The following TENM2 variants were observed in gnomAD, a reference collection of about 807,000 sequenced individuals.
The protein encoded by TENM2 is teneurin transmembrane protein 2.
TENM2 carries 52 observed loss-of-function variants against 245.2 expected under a neutral mutation model. The observed-to-expected ratio is 0.21, with a 90% CI of 0.17 to 0.27. The LOEUF is 0.27. Ranked by LOEUF, TENM2 falls within the 10% of genes least tolerant of loss-of-function variation. The pLI is 1.00. For missense variants in TENM2, 3,046 were observed against 3,666.8 expected, an observed-to-expected ratio of 0.83 and a Z score of 4.37; for synonymous variants, 1,363 against 1,438.9, an observed-to-expected ratio of 0.95 and a Z score of 1.19.
intron 3 of TENM2, among the ~76,000 whole-genome samples, chr5:167,920,658 G>A (rs776046511): frequency 6.6e-6 from 1 of 152,014 alleles, no homozygotes; most frequent in Non-Finnish European, 1.5e-5. Flanking sequence ...CACCCAGCTC[G>A]CAGCAAATTA....
chr5:168,172,753 C>T (rs1158058629), intron 13 of TENM2, among the ~76,000 whole-genome samples: 1 of 152,202 alleles, frequency 6.6e-6, no homozygotes, highest in African/African-American at 2.4e-5. Context: ...CCACAAAGCA[C>T]TTAGGCACTG....
At chr5:167,785,470 G>A (rs983683050) in intron 2 of TENM2, among the ~76,000 whole-genome samples, 1 of 152,122 alleles carries the variant, frequency 6.6e-6, no homozygotes, top group African/African-American at 2.4e-5. Flanking sequence ...TTGATTTCTA[G>A]TCCTGCAGGA....
At chr5:168,223,125 T>C (rs557244722) in intron 23 of TENM2, among the ~76,000 whole-genome samples, 1 of 152,352 alleles carries the variant, frequency 6.6e-6, no homozygotes, top group Admixed American at 6.5e-5. Context: ...CGAATCTTCT[T>C]AAAAGTTAAA....
intron 2 of TENM2, among the ~76,000 whole-genome samples, chr5:167,474,341 C>A (rs1301882582): frequency 6.6e-6 from 1 of 152,076 alleles, no homozygotes; most frequent in African/African-American, 2.4e-5. Flanking sequence ...TCAGAGCTTT[C>A]ATCTTCACCT....
At chr5:168,043,252 T>C (rs1227548534) in intron 5 of TENM2, among the ~76,000 whole-genome samples, 1 of 151,894 alleles carries the variant, frequency 6.6e-6, no homozygotes, top group East Asian at 1.9e-4. Context: ...TTTTTTTTTT[T>C]AACTAATTAA....
intron 5 of TENM2, among the ~76,000 whole-genome samples, chr5:168,035,854 C>T (rs1471555664): frequency 1.3e-5 from 2 of 152,182 alleles, no homozygotes; most frequent in African/African-American, 4.8e-5. Flanking sequence ...CAACAAGCCT[C>T]GGTCTCTTCA....
chr5:167,625,354 T>C (rs548702501), intron 2 of TENM2, among the ~76,000 whole-genome samples: 2 of 152,184 alleles, frequency 1.3e-5, no homozygotes, highest in East Asian at 3.9e-4. Context: ...ACTATTCAGA[T>C]TTTTTTTCAG....
intron 2 of TENM2, among the ~76,000 whole-genome samples, chr5:167,660,990 T>C (rs1755175104): frequency 6.6e-6 from 1 of 152,180 alleles, no homozygotes; most frequent in South Asian, 2.1e-4. Flanking sequence ...ACAAGTTATA[T>C]GAAAAATAAA....
chr5:167,060,766 G>T, the TENM2 span, among the ~76,000 whole-genome samples: 1 of 150,952 alleles, frequency 6.6e-6, no homozygotes, highest in Non-Finnish European at 1.5e-5. Flanking sequence ...TTATTATTAA[G>T]ATATTTTATA....
At chr5:168,228,757 T>C (rs1232160745) in intron 25 of TENM2, among the ~76,000 whole-genome samples, 1 of 102,416 alleles carries the variant, frequency 9.8e-6, no homozygotes, top group East Asian at 4.5e-4. Context: ...AAGTAACAAC[T>C]GAACCTCAGT....
the TENM2 span, among the ~76,000 whole-genome samples, chr5:166,997,768 T>C: frequency 6.6e-6 from 1 of 152,274 alleles, no homozygotes; most frequent in African/African-American, 2.4e-5. Context: ...GATCATCCAT[T>C]GAGTCATTGA....
intron 2 of TENM2, among the ~76,000 whole-genome samples, chr5:167,851,197 G>A (rs1272571431): frequency 1.3e-5 from 2 of 152,028 alleles, no homozygotes; most frequent in African/African-American, 2.4e-5. Context: ...ATCTGGGGGT[G>A]GTGGCAGAGG....
At chr5:167,207,868 C>T in the TENM2 span, among the ~76,000 whole-genome samples, 12 of 152,338 alleles carry the variant, frequency 7.9e-5, no homozygotes, top group Non-Finnish European at 1.6e-4. Flanking sequence ...ATTCTCCTGT[C>T]TCAGCCTCCC....
At chr5:167,714,190 T>C (rs1192340544) in intron 2 of TENM2, among the ~76,000 whole-genome samples, 2 of 152,228 alleles carry the variant, frequency 1.3e-5, no homozygotes, top group Non-Finnish European at 2.9e-5. Context: ...ATGTATTTCC[T>C]GACACATTTC....
chr5:167,026,360 T>C, the TENM2 span, among the ~76,000 whole-genome samples: 1 of 152,228 alleles, frequency 6.6e-6, no homozygotes. Context: ...CACATAGTGG[T>C]AATCTGCTGA....
intron 7 of TENM2, among the ~76,000 whole-genome samples, chr5:168,086,139 G>A (rs1269312867): frequency 6.6e-6 from 1 of 152,148 alleles, no homozygotes; most frequent in African/African-American, 2.4e-5. Context: ...GTATCAATGT[G>A]GTTTCTAGAA....
chr5:167,888,034 C>A (rs62384380), intron 3 of TENM2, among the ~76,000 whole-genome samples: 4,665 of 152,148 alleles, frequency 0.031, 101 homozygotes, highest in South Asian at 0.098. Flanking sequence ...ATAGGGATAC[C>A]AATTATTGAA....
the TENM2 span, among the ~76,000 whole-genome samples, chr5:167,009,202 CAT>C: frequency 6.6e-6 from 1 of 152,166 alleles, no homozygotes; most frequent in Non-Finnish European, 1.5e-5. Context: ...TACAGGTGTG[CAT>C]GTTTGCGTGA....
intron 4 of TENM2, among the ~76,000 whole-genome samples, chr5:167,978,221 C>G (rs1333721816): frequency 6.6e-6 from 1 of 152,194 alleles, no homozygotes; most frequent in Non-Finnish European, 1.5e-5. Context: ...AATAGCAACA[C>G]AAAGTGTACT....
Sources: allele counts gnomAD v4.1 joint callset (sites outside exome capture counted in the v4.1 genomes callset), GRCh38; gene constraint gnomAD v4.1.1; transcripts MANE v1.5; gene names NCBI Gene and HGNC (gene_info 2026-07-23, HGNC 2026-07-21).